The following TVP23A variants were observed in gnomAD, a reference collection of about 807,000 sequenced individuals.
The protein encoded by TVP23A is Golgi apparatus membrane protein TVP23 homolog A.
In TVP23A, 21 loss-of-function variants were observed where a neutral mutation model predicts 31.7. That is an observed-to-expected ratio of 0.66 (90% CI 0.47 to 0.95). The LOEUF (loss-of-function observed/expected upper bound fraction) is 0.95. Ranked by LOEUF, TVP23A falls within the 40% of genes least tolerant of loss-of-function variation. The probability of loss-of-function intolerance (pLI) is 0.00; values close to 1 mark genes in which losing one functional copy is unlikely to be tolerated. For synonymous variants in TVP23A, 104 were observed against 96.0 expected, an observed-to-expected ratio of 1.08 and a Z score of -0.49; for missense variants, 279 against 255.6, an observed-to-expected ratio of 1.09 and a Z score of -0.62.
At chr16:10,793,662 A>C (rs575352269) in intron 2 of TVP23A, among the ~76,000 whole-genome samples, 3 of 152,194 alleles carry the variant, frequency 2.0e-5, no homozygotes, top group African/African-American at 7.2e-5. Context: ...TGGGAGGCCA[A>C]GGTGGGAGGA....
Position 10,766,855 on chromosome 16 carries a change from CG to C in TVP23A, c.*2246del, listed in dbSNP as rs2030958455. The C allele has an allele frequency of 2.5e-6, 1 of 398,282 alleles. No homozygotes were observed. The allele number at this position is 398,282 out of a possible 1,614,324, so 24.7% of individuals were successfully genotyped here. A position where few individuals can be genotyped will look rare whatever the true frequency, so the allele number is the denominator to read the frequency against. ...TGAAGTAAAGTTACAAAGTCATTTA[CG>C]GCATACGTCCTATGGAGAGGACATT... On this transcript the variant is annotated 3_prime_UTR_variant, in exon 8 of 8. Transcript: ENST00000299866. This position sits in a 1 kb window ranked among gnomAD's most constrained non-coding sequence, Gnocchi z 4.8.
chr16:10,809,655 T>C (rs1036898264), intron 2 of TVP23A, among the ~76,000 whole-genome samples: 4 of 152,216 alleles, frequency 2.6e-5, no homozygotes, highest in African/African-American at 9.7e-5. Flanking sequence ...TAGTTTTATA[T>C]CAAAGCCTAT....
intron 2 of TVP23A, among the ~76,000 whole-genome samples, chr16:10,793,338 T>A (rs2142992275): frequency 3.3e-5 from 5 of 152,172 alleles, no homozygotes; most frequent in Admixed American, 3.3e-4. Flanking sequence ...ATGCTCAGCA[T>A]CAAAATGAAA....
exon 9 of TVP23A, chr16:10,761,476 T>C (rs751694744): frequency 6.2e-7 from 1 of 1,612,092 alleles, no homozygotes; most frequent in Admixed American, 1.7e-5. Flanking sequence ...AAGTGCAAGG[T>C]GAGGGCGCGT....
In TVP23A at chr16:10,777,740, G is replaced by A. The variant is rs1308144439; in HGVS notation, c.90-2644C>T. Among the ~76,000 whole-genome samples the A allele has an allele frequency of 6.6e-6, 1 of 152,296 alleles. No individual in the cohort carries two copies. The highest frequency in any genetic ancestry group is 2.4e-5 in the African/African-American group (1 of 41,570). On this transcript the variant is annotated intron_variant, in intron 2 of 7. Transcript: ENST00000299866. This position sits in a 1 kb window ranked among gnomAD's most constrained non-coding sequence, Gnocchi z 4.5. ...AATTAGACAGGATCAAGCCGGGCGT[G>A]GTGGCTCACGCCTGTAATCCCAGCA...
At chr16:10,805,780 G>A (rs1455361872) in intron 2 of TVP23A, among the ~76,000 whole-genome samples, 2 of 151,840 alleles carry the variant, frequency 1.3e-5, no homozygotes, top group African/African-American at 4.8e-5. Flanking sequence ...AAGCCTATCT[G>A]GTTTTCTCTG....
chr16:10,775,360 T>C, intron 2 of TVP23A: 2 of 1,268,590 alleles, frequency 1.6e-6, no homozygotes, highest in East Asian at 3.5e-5. Context: ...CAAATATCAC[T>C]TGCCCTCTTC....
chr16:10,787,876 C>T (rs949726065), intron 2 of TVP23A, among the ~76,000 whole-genome samples: 2 of 152,150 alleles, frequency 1.3e-5, no homozygotes, highest in Admixed American at 6.6e-5. Context: ...CTCACATTAT[C>T]CATCCATAAA....
rs1299803009 is a variant in TVP23A, at chr16:10,768,678, G to T, written c.*424C>A. ...CCCACGTGCAGGCCACATTCAGCCAGTGGCAGCCATCAGAGGCCCCAGAGT... is the reference window on the plus strand; with the variant it reads ...CCCACGTGCAGGCCACATTCAGCCATTGGCAGCCATCAGAGGCCCCAGAGT... On this transcript the variant is annotated 3_prime_UTR_variant, in exon 8 of 8. Coordinates refer to ENST00000299866, the MANE Select transcript of TVP23A (RefSeq NM_001079512.4). The surrounding 1 kb of genome is among the most constrained non-coding windows in gnomAD (Gnocchi z 4.3). 4.7e-6 allele frequency: 1 copy of T among 211,276 alleles called. No homozygotes were observed. Among genetic ancestry groups the T allele is most frequent in the African/African-American group, 2.3e-5 (1 of 43,474 alleles). The allele number at this position is 211,276 out of a possible 1,614,324, so 13.1% of individuals were successfully genotyped here.
At chr16:10,775,944 T>G (rs2031985557) in intron 2 of TVP23A, among the ~76,000 whole-genome samples, 1 of 151,438 alleles carries the variant, frequency 6.6e-6, no homozygotes, top group East Asian at 2.0e-4. Flanking sequence ...AAACAGGATT[T>G]CAACATGTTG....
intron 6 of TVP23A, 42 bp from the exon 7 acceptor site, chr16:10,770,373 G>A (rs535474407): frequency 2.1e-5 from 32 of 1,539,554 alleles, no homozygotes; most frequent in South Asian, 9.7e-5. Context: ...GTCCTTACAC[G>A]CGAGTGGGGC....
chr16:10,793,677 T>C lies in TVP23A; in HGVS notation c.90-18581A>G, dbSNP rs141008101. On this transcript the variant is annotated intron_variant, in intron 2 of 7. Transcript: ENST00000299866. ...TGGGAGGCCAAGGTGGGAGGATCAC[T>C]TGAGCTCAGGAGTTTGAGACCAGCT... Among the ~76,000 whole-genome samples, 3 of 151,982 alleles carry C rather than the reference T, an allele frequency of 2.0e-5. 1 individual carries two copies. The South Asian group carries it at 6.2e-4, about 32-fold the overall frequency.
At chr16:10,781,906 G>T (rs1425679359) in intron 2 of TVP23A, among the ~76,000 whole-genome samples, 2 of 125,444 alleles carry the variant, frequency 1.6e-5, no homozygotes. Flanking sequence ...CTGTTGCCCA[G>T]GCTGGAGTGC....
chr16:10,814,401 G>T (rs1459138542), intron 2 of TVP23A, among the ~76,000 whole-genome samples: 1 of 152,148 alleles, frequency 6.6e-6, no homozygotes, highest in African/African-American at 2.4e-5. Flanking sequence ...CTTTCCCCCA[G>T]AAGTGCTTCT....
downstream of TVP23A, among the ~76,000 whole-genome samples, chr16:10,757,681 A>G (rs1365828706): frequency 6.6e-6 from 1 of 152,096 alleles, no homozygotes; most frequent in Non-Finnish European, 1.5e-5. The surrounding 1 kb of genome is among the most constrained non-coding windows in gnomAD (Gnocchi z 4.1). Flanking sequence ...CTTCTCCGTG[A>G]GCTGGGCACA....
intron 2 of TVP23A, among the ~76,000 whole-genome samples, chr16:10,785,491 C>T (rs2032700883): frequency 6.6e-6 from 1 of 152,150 alleles, no homozygotes; most frequent in East Asian, 1.9e-4. Context: ...TGGGAGGAGG[C>T]ACAAACATCA....
chr16:10,814,967 A>G (rs1167992644), intron 2 of TVP23A, among the ~76,000 whole-genome samples: 2 of 152,048 alleles, frequency 1.3e-5, no homozygotes, highest in African/African-American at 4.8e-5. Flanking sequence ...CTTACCTCCA[A>G]GCCTCCCCAT....
chr16:10,768,813 C>A lies in TVP23A; in HGVS notation c.*289G>T. 1 of 436,222 alleles carries A rather than the reference C, an allele frequency of 2.3e-6. No individual in the cohort carries two copies. Among genetic ancestry groups the A allele is most frequent in the Non-Finnish European group, 4.1e-6 (1 of 246,664 alleles). 27.0% of individuals were successfully genotyped at this position (436,222 alleles called of 1,614,324 possible). A position where few individuals can be genotyped will look rare whatever the true frequency, so the allele number is the denominator to read the frequency against. ...GGTAAGGAAACAGCATTCCCAGAAT[C>A]CTCCATCTATAGATGGTCCGAGGAA... On this transcript the variant is annotated 3_prime_UTR_variant, in exon 8 of 8. Transcript: ENST00000299866. The surrounding 1 kb of genome is among the most constrained non-coding windows in gnomAD (Gnocchi z 4.3).
rs144702559 is a variant in TVP23A at position 10,777,705 on chromosome 16, G to A, written c.90-2609C>T. Among the ~76,000 whole-genome samples the A allele has an allele frequency of 1.1e-4, 16 of 152,274 alleles. No individual in the cohort carries two copies. Among genetic ancestry groups the A allele is most frequent in the Middle Eastern group, 3.4e-3 (1 of 294 alleles). On this transcript the variant is annotated intron_variant, in intron 2 of 7. Coordinates refer to ENST00000299866, the MANE Select transcript of TVP23A (RefSeq NM_001079512.4). This position sits in a 1 kb window ranked among gnomAD's most constrained non-coding sequence, Gnocchi z 4.5. The stretch of plus-strand genomic sequence containing the variant: ...GAAAACCAACCCAGGAAGTGCACCC[G>A]GCTTTTAAGAATTAGACAGGATCAA...
Sources: gnomAD v4.1 joint callset for allele counts (sites outside exome capture counted in the v4.1 genomes callset) on GRCh38, gnomAD v4.1.1 for gene constraint, Gnocchi (gnomAD v3.1) non-coding constraint, MANE v1.5 for transcripts, NCBI Gene and HGNC (gene_info 2026-07-23, HGNC 2026-07-21) for gene names.